Variants in ZMAT4 observed in about 807,000 individuals in gnomAD.
ZMAT4 encodes zinc finger matrin-type 4.
Under a neutral mutation model 28.7 loss-of-function variants are expected in ZMAT4, and 17 were observed. The observed-to-expected ratio is 0.59, with a 90% confidence interval of 0.41 to 0.89. The LOEUF is 0.89. Ranked by LOEUF, ZMAT4 falls within the 40% of genes least tolerant of loss-of-function variation. The pLI is 0.00. For synonymous variants in ZMAT4, 117 were observed against 109.2 expected, an observed-to-expected ratio of 1.07 and a Z score of -0.44; for missense variants, 240 against 283.8, an observed-to-expected ratio of 0.85 and a Z score of 1.11.
intron 4 of ZMAT4, among the ~76,000 whole-genome samples, chr8:40,685,067 A>T (rs1809340662): frequency 6.6e-6 from 1 of 152,122 alleles, no homozygotes; most frequent in Non-Finnish European, 1.5e-5. Flanking sequence ...TATATTTTGC[A>T]TGTATCACTT....
intron 1 of ZMAT4, among the ~76,000 whole-genome samples, chr8:40,885,881 T>C (rs536315150): frequency 4.8e-4 from 73 of 152,338 alleles, no homozygotes; most frequent in African/African-American, 1.6e-3. Context: ...CTTGTGGGGC[T>C]TCACGTTTCT....
intron 3 of ZMAT4, among the ~76,000 whole-genome samples, chr8:40,699,009 A>T (rs909424508): frequency 2.6e-5 from 4 of 152,210 alleles, no homozygotes; most frequent in Non-Finnish European, 4.4e-5. Context: ...TCCATAGAGA[A>T]AAAAACAAAA....
chr8:40,617,164 T>A (rs995868258), intron 5 of ZMAT4, among the ~76,000 whole-genome samples: 4 of 152,186 alleles, frequency 2.6e-5, no homozygotes, highest in African/African-American at 9.7e-5. Flanking sequence ...ATTCTTTATA[T>A]TATATATTGT....
rs113320854 is a variant in ZMAT4 at position 40,707,448 on chromosome 8, C to T, written c.193-10047G>A. Among the ~76,000 whole-genome samples, 809 of 152,210 alleles carry T rather than the reference C, an allele frequency of 5.3e-3. 7 individuals are homozygous for T. Among genetic ancestry groups the T allele is most frequent in the African/African-American group, 0.019 (788 of 41,518 alleles). On this transcript the variant is annotated intron_variant, in intron 3 of 6. Coordinates refer to ENST00000297737, the MANE Select transcript of ZMAT4 (RefSeq NM_024645.3). ...TTGGATATCACTTATAATTATTAAA[C>T]ATGAAATTCCTCCTCTGTCACATGG...
intron 3 of ZMAT4, among the ~76,000 whole-genome samples, chr8:40,753,280 C>T (rs1180757731): frequency 2.6e-5 from 4 of 152,098 alleles, no homozygotes; most frequent in Non-Finnish European, 5.9e-5. Flanking sequence ...ACCATGTTCT[C>T]TCAGACCTTA....
rs1401442188 is a variant in ZMAT4 at position 40,881,542 on chromosome 8, G to GA, written c.-5+16140dup. On this transcript the variant is annotated intron_variant, in intron 1 of 6. Transcript: ENST00000297737. ...AGAGAGAGAGACAGAAAGAAAGAAA[G>GA]AAAGAAAGAAAGAAAGAAAGAAAGA... 9.7e-5 allele frequency among the ~76,000 whole-genome samples: 5 copies of GA among 51,374 alleles called. 2 individuals are homozygous for GA. The highest frequency in any genetic ancestry group is 4.3e-4 in the African/African-American group (5 of 11,744). 33.7% of individuals were successfully genotyped at this position (51,374 alleles called of 152,430 possible).
intron 6 of ZMAT4, among the ~76,000 whole-genome samples, chr8:40,536,664 G>A (rs1802857013): frequency 6.6e-6 from 1 of 151,900 alleles, no homozygotes; most frequent in African/African-American, 2.4e-5. Flanking sequence ...CCACCTCTCT[G>A]CTTGCCCAGC....
rs182862656 is a variant in ZMAT4, at chr8:40,760,754, C to G, written c.192+6887G>C. 1.9e-3 allele frequency among the ~76,000 whole-genome samples: 294 copies of G among 151,848 alleles called. 2 individuals are homozygous for G. Among genetic ancestry groups the G allele is most frequent in the Non-Finnish European group, 3.8e-3 (259 of 67,902 alleles). ...TCTCTCTGTCATGCTCTCTCTCTCTCTGTCGCGGTCTCTCTCTCTTTCTCT... is the reference window on the plus strand; with the variant it reads ...TCTCTCTGTCATGCTCTCTCTCTCTGTGTCGCGGTCTCTCTCTCTTTCTCT... On this transcript the variant is annotated intron_variant, in intron 3 of 6. Coordinates refer to ENST00000297737, the MANE Select transcript of ZMAT4 (RefSeq NM_024645.3).
At chr8:40,883,386 A>G (rs1818345587) in intron 1 of ZMAT4, among the ~76,000 whole-genome samples, 1 of 152,056 alleles carries the variant, frequency 6.6e-6, no homozygotes, top group African/African-American at 2.4e-5. Flanking sequence ...TCACACCAGC[A>G]TTTCCCTCTT....
At chr8:40,857,822 A>C (rs1304784195) in intron 1 of ZMAT4, among the ~76,000 whole-genome samples, 2 of 152,264 alleles carry the variant, frequency 1.3e-5, no homozygotes, top group Admixed American at 6.5e-5. Context: ...ACACTGGAAC[A>C]ATTAAAAAAT....
At chr8:40,601,651 A>G (rs1805376859) in intron 5 of ZMAT4, among the ~76,000 whole-genome samples, 1 of 28,728 alleles carries the variant, frequency 3.5e-5, no homozygotes, top group Non-Finnish European at 8.0e-5. Flanking sequence ...AAAGAAAGAA[A>G]GAAAGAAAGA....
chr8:40,591,685 T>G (rs1172622653), intron 5 of ZMAT4, among the ~76,000 whole-genome samples: 2 of 152,360 alleles, frequency 1.3e-5, no homozygotes, highest in East Asian at 3.9e-4. Flanking sequence ...CATAAAGGTC[T>G]TATTCTGTAT....
intron 5 of ZMAT4, among the ~76,000 whole-genome samples, chr8:40,619,596 C>A (rs189154769): frequency 6.6e-6 from 1 of 152,270 alleles, no homozygotes; most frequent in African/African-American, 2.4e-5. Context: ...TTCTCTGACA[C>A]AGAACAGGGA....
intron 3 of ZMAT4, among the ~76,000 whole-genome samples, chr8:40,766,331 G>T (rs1329928742): frequency 6.6e-6 from 1 of 152,190 alleles, no homozygotes; most frequent in Non-Finnish European, 1.5e-5. Flanking sequence ...TGTTTTGTCA[G>T]TGCCTGCATG....
rs373038840 is a variant in ZMAT4, at chr8:40,812,450, A to C, written c.102+13125T>G. On this transcript the variant is annotated intron_variant, in intron 2 of 6. Coordinates refer to ENST00000297737, the MANE Select transcript of ZMAT4 (RefSeq NM_024645.3). The stretch of plus-strand genomic sequence containing the variant: ...GGGCCATCCTACCAAATACTTGACC[A>C]GTAATCTTCAATATTGTCAAGGTCA... Among the ~76,000 whole-genome samples, 12 of 152,372 alleles carry C rather than the reference A, an allele frequency of 7.9e-5. No homozygotes were observed. In the East Asian group the frequency reaches 1.2e-3, roughly 15 times the overall value.
intron 1 of ZMAT4, among the ~76,000 whole-genome samples, chr8:40,869,406 A>C (rs769552988): frequency 2.0e-5 from 3 of 152,230 alleles, no homozygotes; most frequent in Non-Finnish European, 4.4e-5. Context: ...AGAAAGGAAC[A>C]TAATGCTGGG....
intron 3 of ZMAT4, among the ~76,000 whole-genome samples, chr8:40,763,490 G>A (rs868600787): frequency 1.8e-4 from 27 of 152,236 alleles, no homozygotes; most frequent in South Asian, 8.3e-4. Context: ...TGTGGAAAGT[G>A]CATGATAAAA....
intron 2 of ZMAT4, among the ~76,000 whole-genome samples, chr8:40,802,526 A>G (rs1342146076): frequency 6.6e-6 from 1 of 152,072 alleles, no homozygotes. Flanking sequence ...GATCTATATA[A>G]GAAAAACTGT....
chr8:40,869,253 C>T (rs1460829600), intron 1 of ZMAT4, among the ~76,000 whole-genome samples: 1 of 152,240 alleles, frequency 6.6e-6, no homozygotes, highest in African/African-American at 2.4e-5. Context: ...CTTTACACCA[C>T]CTCGAGTCTG....
Sources: gnomAD v4.1 joint callset for allele counts (sites outside exome capture counted in the v4.1 genomes callset) on GRCh38, gnomAD v4.1.1 for gene constraint, MANE v1.5 for transcripts, NCBI Gene and HGNC (gene_info 2026-07-23, HGNC 2026-07-21) for gene names.